The following SH3PXD2B variants were observed in gnomAD, a reference collection of about 807,000 sequenced individuals.
SH3PXD2B encodes the protein SH3 and PX domains 2B, also known as SH3 and PX domain-containing protein 2B.
In SH3PXD2B, 37 loss-of-function variants were observed where a neutral mutation model predicts 73.1. The ratio of observed to expected loss-of-function variants is 0.51; its 90% CI spans 0.39 to 0.67. The LOEUF is 0.67. Ranked by LOEUF, SH3PXD2B falls within the 30% of genes least tolerant of loss-of-function variation. The pLI, the probability that SH3PXD2B is intolerant of heterozygous loss-of-function variation, is 0.00. For missense variants in SH3PXD2B, 1,053 were observed against 1,197.8 expected, an observed-to-expected ratio of 0.88 and a Z score of 1.78; for synonymous variants, 457 against 480.5, an observed-to-expected ratio of 0.95 and a Z score of 0.64.
chr5:172,420,394 C>T (rs532123230), intron 2 of SH3PXD2B, among the ~76,000 whole-genome samples: 6 of 152,116 alleles, frequency 3.9e-5, no homozygotes, highest in Admixed American at 6.5e-5. Context: ...GTAGGCGTTT[C>T]GGGAAACCAG....
In SH3PXD2B at chr5:172,396,578, C is replaced by G. The variant is rs1581306563; in HGVS notation, c.233-1939G>C. Reference sequence around the variant, plus strand: ...GGTGCAAAAGGACACTATTTGGAAACTAGGTAGACAAGGTAAATTTAAAAA... The same window carrying G: ...GGTGCAAAAGGACACTATTTGGAAAGTAGGTAGACAAGGTAAATTTAAAAA... On this transcript the variant is annotated intron_variant, in intron 3 of 12. Coordinates refer to ENST00000311601, the MANE Select transcript of SH3PXD2B (RefSeq NM_001017995.3). Among the ~76,000 whole-genome samples the G allele has an allele frequency of 2.0e-5, 3 of 149,882 alleles. No homozygotes were observed. The East Asian group carries it at 5.9e-4, about 29-fold the overall frequency.
At chr5:172,373,945 G>C (rs1480925684) in intron 5 of SH3PXD2B, 130 bp from the exon 6 acceptor site, 1 of 1,026,414 alleles carries the variant, frequency 9.7e-7, no homozygotes, top group Non-Finnish European at 1.5e-6. Flanking sequence ...ATAAAATCCA[G>C]GCCAACTAGA....
intron 2 of SH3PXD2B, among the ~76,000 whole-genome samples, chr5:172,410,672 G>A (rs1325917837): frequency 6.6e-6 from 1 of 152,134 alleles, no homozygotes; most frequent in African/African-American, 2.4e-5. Context: ...GCTTTGGGAG[G>A]CAACTTCAGG....
rs763865031 is a variant in SH3PXD2B at position 172,412,437 on chromosome 5, T to C, written c.157-6085A>G. Among the ~76,000 whole-genome samples the C allele has an allele frequency of 7.8e-4, 118 of 152,226 alleles. 1 individual carries two copies. The highest frequency in any genetic ancestry group is 1.4e-3 in the Non-Finnish European group (98 of 68,040). ...ACCCTCATGTGACGAGCAGCTGCCA[T>C]CCCGGACAGTGCAGGGCTGGACTAT... On this transcript the variant is annotated intron_variant, in intron 2 of 12. Transcript: ENST00000311601.
chr5:172,415,702 C>A (rs936562655), intron 2 of SH3PXD2B, among the ~76,000 whole-genome samples: 8 of 152,224 alleles, frequency 5.3e-5, no homozygotes, highest in Non-Finnish European at 7.3e-5. Flanking sequence ...CTACCCTCAG[C>A]TCTCTGGGCA....
At position 172,337,368 on chromosome 5, in the gene SH3PXD2B, C is replaced by G; in HGVS notation, c.*1001G>C. On this transcript the variant is annotated 3_prime_UTR_variant, in exon 13 of 13. Transcript: ENST00000311601. ...TCAGGCAGGCCTGGACTCAAATCCT[C>G]TTCCCTCTTCCTCCTGGCTGGTGTG... is the stretch of plus-strand genomic sequence containing the variant. The G allele has an allele frequency of 2.0e-6, 2 of 984,220 alleles. No homozygotes were observed. Among genetic ancestry groups the G allele is most frequent in the Non-Finnish European group, 2.4e-6 (2 of 828,786 alleles). The allele number at this position is 984,220 out of a possible 1,614,324, so 61.0% of individuals were successfully genotyped here.
At chr5:172,433,859 T>C (rs371847725) in intron 1 of SH3PXD2B, among the ~76,000 whole-genome samples, 16 of 152,306 alleles carry the variant, frequency 1.1e-4, no homozygotes, top group Admixed American at 3.3e-4. Context: ...CTGCTCATGG[T>C]GGGACTTGAG....
chr5:172,352,557 T>C (rs1405527926), intron 9 of SH3PXD2B, among the ~76,000 whole-genome samples: 1 of 152,186 alleles, frequency 6.6e-6, no homozygotes, highest in Non-Finnish European at 1.5e-5. Context: ...TTTGGCTGTG[T>C]CCCCATCGAC....
intron 5 of SH3PXD2B, among the ~76,000 whole-genome samples, chr5:172,377,266 C>G (rs1424731515): frequency 6.6e-6 from 1 of 152,174 alleles, no homozygotes; most frequent in Non-Finnish European, 1.5e-5. Context: ...CCTCCAATAG[C>G]ACCAGCTGGC....
chr5:172,406,141 T>C (rs1758550618), intron 3 of SH3PXD2B, 136 bp downstream of exon 3: 4 of 1,061,146 alleles, frequency 3.8e-6, no homozygotes, highest in Non-Finnish European at 5.5e-6. Flanking sequence ...GGTTAATTTC[T>C]ACAAATGGCT....
chr5:172,434,249 A>T (rs952419305), intron 1 of SH3PXD2B, among the ~76,000 whole-genome samples: 2 of 152,204 alleles, frequency 1.3e-5, no homozygotes, highest in East Asian at 1.9e-4. Flanking sequence ...AAATGGACAA[A>T]TATTATGTAT....
intron 6 of SH3PXD2B, among the ~76,000 whole-genome samples, chr5:172,371,650 C>G (rs1757707961): frequency 6.6e-6 from 1 of 151,700 alleles, no homozygotes; most frequent in African/African-American, 2.4e-5. Context: ...CCCATCATTT[C>G]AGGTGAATGA....
intron 4 of SH3PXD2B, among the ~76,000 whole-genome samples, chr5:172,384,583 C>T (rs1581296279): frequency 6.6e-6 from 1 of 152,120 alleles, no homozygotes; most frequent in Non-Finnish European, 1.5e-5. Flanking sequence ...TTCCAGGTAG[C>T]TCATATAAGT....
chr5:172,365,487 G>A (rs1757494576), intron 6 of SH3PXD2B, among the ~76,000 whole-genome samples: 1 of 152,178 alleles, frequency 6.6e-6, no homozygotes, highest in South Asian at 2.1e-4. Context: ...TGAGGCCTGC[G>A]GGCTCTCCTT....
rs771362295 is a variant in SH3PXD2B, at chr5:172,404,301, G to GAT, written c.232+1974_232+1975dup. Among the ~76,000 whole-genome samples the GAT allele has an allele frequency of 5.4e-3, 802 of 149,476 alleles. 3 individuals carry two copies. Among genetic ancestry groups the GAT allele is most frequent in the Middle Eastern group, 0.024 (7 of 290 alleles). ...AGACCTGTTCCCTTTGCTGAAAAAA[G>GAT]ATATATATATATATATTTTTTTTTG... On this transcript the variant is annotated intron_variant, in intron 3 of 12. Coordinates refer to ENST00000311601, the MANE Select transcript of SH3PXD2B (RefSeq NM_001017995.3).
At chr5:172,332,102 T>C (rs1239381827), downstream of SH3PXD2B, among the ~76,000 whole-genome samples, 2 of 152,108 alleles carry the variant, frequency 1.3e-5, no homozygotes, top group Non-Finnish European at 2.9e-5. Context: ...ATGGTCCCAT[T>C]GCCGTCCCAT....
At chr5:172,349,012 C>T (rs1757092697) in intron 10 of SH3PXD2B, among the ~76,000 whole-genome samples, 1 of 152,162 alleles carries the variant, frequency 6.6e-6, no homozygotes, top group African/African-American at 2.4e-5. Context: ...TGTGCCCAGC[C>T]TGAACCTATA....
At chr5:172,345,510 A>G (rs1259990960) in intron 12 of SH3PXD2B, among the ~76,000 whole-genome samples, 1 of 152,194 alleles carries the variant, frequency 6.6e-6, no homozygotes, top group African/African-American at 2.4e-5. Flanking sequence ...TGCTTTTGAA[A>G]GTGTCTCAAG....
chr5:172,454,091 G>C (rs1353498577), intron 1 of SH3PXD2B, among the ~76,000 whole-genome samples, 187 bp downstream of exon 1: 1 of 150,374 alleles, frequency 6.7e-6, no homozygotes, highest in Non-Finnish European at 1.5e-5. Flanking sequence ...GGCAAAAGCG[G>C]GGAGGGGAGG....
Sources: allele counts gnomAD v4.1 joint callset (sites outside exome capture counted in the v4.1 genomes callset), GRCh38; gene constraint gnomAD v4.1.1; transcripts MANE v1.5; gene names NCBI Gene and HGNC (gene_info 2026-07-23, HGNC 2026-07-21).